CNST: variants seen among roughly 807,000 people sequenced by gnomAD.
CNST encodes consortin, connexin sorting protein, also known as consortin.
Under a neutral mutation model 72.4 loss-of-function variants are expected in CNST, and 39 were observed. The observed-to-expected ratio is 0.54, with a 90% CI of 0.42 to 0.70. The LOEUF (loss-of-function observed/expected upper bound fraction) is 0.70. CNST is among the 30% of genes least tolerant of loss of function. The pLI is 0.00. For synonymous variants in CNST, 332 were observed against 320.1 expected, an observed-to-expected ratio of 1.04 and a Z score of -0.40; for missense variants, 871 against 868.5, an observed-to-expected ratio of 1.00 and a Z score of -0.04.
rs984886856 is a variant in CNST, at chr1:246,631,769, A to G, written c.586-125A>G. 3.2e-5 allele frequency: 23 copies of G among 728,412 alleles called. 1 individual carries two copies. The highest frequency in any genetic ancestry group is 4.9e-5 in the Non-Finnish European group (20 of 409,468). 45.1% of individuals were successfully genotyped at this position (728,412 alleles called of 1,614,324 possible). On this transcript the variant is annotated intron_variant, in intron 3 of 10. Transcript: ENST00000366513. ...CTTCTGAACTGTTGAATGTAGTTTA[A>G]AAAAAGAGTTTTCTTAATTTGATAT...
chr1:246,658,408 G>A (rs561834467), intron 9 of CNST, among the ~76,000 whole-genome samples: 2 of 151,924 alleles, frequency 1.3e-5, no homozygotes, highest in South Asian at 4.2e-4. Flanking sequence ...TGTTTTCTCA[G>A]AACAAGGACT....
rs370157793 is a variant in CNST at position 246,665,948 on chromosome 1, C to T, written c.*43C>T. ...ACATGCTGGCAGTGAGAGTGAAAGG[C>T]GGGAGACTTTCTAAACAGTTTTTCT... On this transcript the variant is annotated 3_prime_UTR_variant, in exon 11 of 11. Coordinates refer to ENST00000366513, the MANE Select transcript of CNST (RefSeq NM_152609.3). 48 of 1,395,102 alleles carry T rather than the reference C, an allele frequency of 3.4e-5. No homozygotes were observed. The highest frequency in any genetic ancestry group is 3.9e-5 in the Non-Finnish European group (39 of 991,180). The allele number at this position is 1,395,102 out of a possible 1,614,324, so 86.4% of individuals were successfully genotyped here.
At chr1:246,658,157 T>A (rs1458251915) in intron 9 of CNST, among the ~76,000 whole-genome samples, 1 of 152,228 alleles carries the variant, frequency 6.6e-6, no homozygotes, top group East Asian at 1.9e-4. Context: ...TCCTTTTTTT[T>A]ACATGTACTA....
chr1:246,574,972 TTTTA>T (rs150720392), intron 1 of CNST, among the ~76,000 whole-genome samples: 5,424 of 143,608 alleles, frequency 0.038, 270 homozygotes, highest in African/African-American at 0.11. Flanking sequence ...TCCTCAAGTA[TTTTA>T]TTTATTTATT....
chr1:246,572,810 A>G (rs968473883), intron 1 of CNST, among the ~76,000 whole-genome samples: 1 of 152,166 alleles, frequency 6.6e-6, no homozygotes, highest in African/African-American at 2.4e-5. Flanking sequence ...CAGAGTGCCT[A>G]CTTCAGCCTC....
chr1:246,664,519 C>T (rs1667287177), intron 10 of CNST, among the ~76,000 whole-genome samples: 1 of 152,016 alleles, frequency 6.6e-6, no homozygotes, highest in Admixed American at 6.6e-5. Flanking sequence ...CTCCGCCTCC[C>T]AGGTTCATGC....
chr1:246,580,227 C>A (rs540633688), intron 1 of CNST, among the ~76,000 whole-genome samples: 38 of 151,840 alleles, frequency 2.5e-4, no homozygotes, highest in African/African-American at 9.2e-4. Flanking sequence ...AATAAATAAT[C>A]TCTTGTACCT....
chr1:246,589,389 T>C (rs1342787254), intron 1 of CNST, among the ~76,000 whole-genome samples: 1 of 151,886 alleles, frequency 6.6e-6, no homozygotes, highest in African/African-American at 2.4e-5. Context: ...CTTGTGATAG[T>C]TTGCTGAGAA....
chr1:246,651,344 G>T (rs912714732), intron 9 of CNST, among the ~76,000 whole-genome samples: 1 of 152,064 alleles, frequency 6.6e-6, no homozygotes, highest in Non-Finnish European at 1.5e-5. Flanking sequence ...TCCCCGCCCA[G>T]GTTCTCTTAC....
chr1:246,665,441 T>G (rs1442393726), intron 10 of CNST, among the ~76,000 whole-genome samples: 1 of 152,258 alleles, frequency 6.6e-6, no homozygotes, highest in Non-Finnish European at 1.5e-5. Context: ...TTTCTTCTTC[T>G]CATGGAGTGA....
At chr1:246,588,304 A>C (rs1165539925) in intron 1 of CNST, among the ~76,000 whole-genome samples, 3 of 152,152 alleles carry the variant, frequency 2.0e-5, no homozygotes, top group Non-Finnish European at 4.4e-5. Context: ...GAATATGGGG[A>C]AGTACAAAAA....
At chr1:246,602,439 C>T (rs1662352022) in intron 2 of CNST, among the ~76,000 whole-genome samples, 1 of 152,180 alleles carries the variant, frequency 6.6e-6, no homozygotes, top group Non-Finnish European at 1.5e-5. Flanking sequence ...CTTCCAAGGT[C>T]ACATGGTTCT....
At chr1:246,584,502 A>T (rs1661008612) in intron 1 of CNST, among the ~76,000 whole-genome samples, 1 of 152,104 alleles carries the variant, frequency 6.6e-6, no homozygotes, top group African/African-American at 2.4e-5. Context: ...CATTATGATG[A>T]AAAAAATTCC....
chr1:246,584,027 A>G (rs1205989351), intron 1 of CNST, among the ~76,000 whole-genome samples: 1 of 23,656 alleles, frequency 4.2e-5, no homozygotes, highest in Non-Finnish European at 8.2e-5. Flanking sequence ...GCTGCCTTGA[A>G]CTGCTGGGCT....
At chr1:246,573,888 A>G (rs1660215658) in intron 1 of CNST, among the ~76,000 whole-genome samples, 2 of 152,150 alleles carry the variant, frequency 1.3e-5, no homozygotes, top group South Asian at 2.1e-4. Flanking sequence ...ATGTCTCTAT[A>G]GATTATTCTG....
chr1:246,566,566 C>G lies in CNST; in HGVS notation c.-149C>G, dbSNP rs1003575044. On this transcript the variant is annotated 5_prime_UTR_variant, in exon 1 of 11. Coordinates refer to ENST00000366513, the MANE Select transcript of CNST (RefSeq NM_152609.3). ...CCACCGGAGCCAGGGGAGACCCGAG[C>G]AAGCTCCGTGACAGCACGTCGGCCG... 1 of 408,324 alleles carries G rather than the reference C, an allele frequency of 2.4e-6. No homozygotes were observed. The highest frequency in any genetic ancestry group is 4.3e-6 in the Non-Finnish European group (1 of 230,228). The allele number at this position is 408,324 out of a possible 1,614,324, so 25.3% of individuals were successfully genotyped here.
At chr1:246,614,483 C>T (rs1175779055) in intron 2 of CNST, among the ~76,000 whole-genome samples, 1 of 150,644 alleles carries the variant, frequency 6.6e-6, no homozygotes. Context: ...TGTGTGACAT[C>T]TTTCCAGTCC....
chr1:246,650,978 T>C lies in CNST; in HGVS notation c.1836+2941T>C, dbSNP rs1377350986. Among the ~76,000 whole-genome samples, 5 of 152,268 alleles carry C rather than the reference T, an allele frequency of 3.3e-5. No homozygotes were observed. In the East Asian group the frequency reaches 9.6e-4, roughly 29 times the overall value. On this transcript the variant is annotated intron_variant, in intron 9 of 10. Coordinates refer to ENST00000366513, the MANE Select transcript of CNST (RefSeq NM_152609.3). ...CAGGCTTGAGCTACCATGCTTGGCC[T>C]TCAAACACTTTTTCTGTTTGTGCTT...
chr1:246,580,323 TAAATG>T (rs1456319446), intron 1 of CNST, among the ~76,000 whole-genome samples: 2 of 152,212 alleles, frequency 1.3e-5, no homozygotes, highest in African/African-American at 4.8e-5. Flanking sequence ...GGTCAGAAAT[TAAATG>T]AATGCATGAA....
Sources: allele counts gnomAD v4.1 joint callset (sites outside exome capture counted in the v4.1 genomes callset), GRCh38; gene constraint gnomAD v4.1.1; transcripts MANE v1.5; gene names NCBI Gene and HGNC (gene_info 2026-07-23, HGNC 2026-07-21).